Variants in PRDM11 observed in about 807,000 individuals in gnomAD.
PRDM11 encodes PR/SET domain 11, also known as PR domain-containing protein 11.
PRDM11 carries 20 observed loss-of-function variants against 97.8 expected under a neutral mutation model. That is an observed-to-expected ratio of 0.20 (90% confidence interval 0.14 to 0.30). The LOEUF is 0.30. Ranked by LOEUF, PRDM11 falls within the 10% of genes least tolerant of loss-of-function variation. The probability of loss-of-function intolerance (pLI) is 1.00; values close to 1 mark genes in which losing one functional copy is unlikely to be tolerated. For missense variants in PRDM11, 1,139 were observed against 1,555.2 expected (o/e 0.73, Z 4.50); for synonymous variants, 599 against 637.7 (o/e 0.94, Z 0.91).
chr11:45,116,573 T>G (rs1367052112), intron 1 of PRDM11, among the ~76,000 whole-genome samples: 1 of 152,238 alleles, frequency 6.6e-6, no homozygotes, highest in Non-Finnish European at 1.5e-5. Flanking sequence ...CAGAAAATTA[T>G]AAAATATTTT....
At chr11:45,139,568 CAAAAAAAAAA>C (rs10594529) in intron 1 of PRDM11, among the ~76,000 whole-genome samples, 5 of 91,424 alleles carry the variant, frequency 5.5e-5, no homozygotes, top group South Asian at 3.8e-4. Flanking sequence ...CTCCAACTCA[CAAAAAAAAAA>C]AAAAAAAAAA....
chr11:45,227,920 C>T lies in PRDM11; in HGVS notation c.3295C>T (p.Arg1099Cys), dbSNP rs1416772519. Residue 1099 changes from arginine (R) to cysteine (C), a missense_variant, in exon 8 of 8, where the codon CGC (arginine) becomes TGC (cysteine). This residue lies in a region of PRDM11 where 710 missense variants were observed against 1,044.9 expected (regional missense o/e 0.68). Transcript: ENST00000683152. The surrounding 1 kb of genome is among the most constrained non-coding windows in gnomAD (Gnocchi z 8.0). Reference protein sequence around the residue: ...EKGRNALQRVRKNHRSRLTLE... With the variant: ...EKGRNALQRVCKNHRSRLTLE... ...AGGCCGCAATGCCCTCCAGCGAGTT[C>T]GCAAAAACCACCGCTCCCGCCTGAC... 1.1e-5 allele frequency: 17 copies of T among 1,533,894 alleles called. No homozygotes were observed. Among genetic ancestry groups the T allele is most frequent in the Non-Finnish European group, 1.4e-5 (16 of 1,146,718 alleles).
chr11:45,118,500 G>A (rs1451796275), intron 1 of PRDM11, among the ~76,000 whole-genome samples: 1 of 152,162 alleles, frequency 6.6e-6, no homozygotes, highest in Non-Finnish European at 1.5e-5. Context: ...GACACATCAT[G>A]ACTAAGTGAG....
chr11:45,193,107 T>A (rs1264186648), intron 4 of PRDM11, among the ~76,000 whole-genome samples: 1 of 152,210 alleles, frequency 6.6e-6, no homozygotes, highest in African/African-American at 2.4e-5. Context: ...AAATGGGAAC[T>A]TACTCTATTG....
At chr11:45,105,146 C>T (rs1202655468) in intron 1 of PRDM11, among the ~76,000 whole-genome samples, 1 of 152,244 alleles carries the variant, frequency 6.6e-6, no homozygotes, top group Non-Finnish European at 1.5e-5. Flanking sequence ...CTTGCTGTAT[C>T]TTCACAGAGT....
upstream of PRDM11, among the ~76,000 whole-genome samples, chr11:45,145,042 C>T (rs1851476717): frequency 6.6e-6 from 1 of 152,002 alleles, no homozygotes; most frequent in Admixed American, 6.5e-5. Flanking sequence ...GAGAAATACT[C>T]AGGAAACTTA....
chr11:45,194,590 CTGTTTT>C (rs1336480181), intron 4 of PRDM11, among the ~76,000 whole-genome samples: 15,697 of 89,144 alleles, frequency 0.18, 1,800 homozygotes, highest in Middle Eastern at 0.36. Flanking sequence ...TTATTATCTT[CTGTTTT>C]TTTTTTTTTT....
At chr11:45,198,129 C>T (rs1321769587) in intron 4 of PRDM11, among the ~76,000 whole-genome samples, 1 of 152,112 alleles carries the variant, frequency 6.6e-6, no homozygotes, top group Non-Finnish European at 1.5e-5. Context: ...TTTTGAATCA[C>T]CTAGGAAGTT....
chr11:45,140,230 T>C (rs1442079053), intron 1 of PRDM11, among the ~76,000 whole-genome samples: 2 of 152,194 alleles, frequency 1.3e-5, no homozygotes, highest in Non-Finnish European at 2.9e-5. Flanking sequence ...AAGGGAAATG[T>C]TCTCTGACAA....
At chr11:45,190,977 A>T (rs1477743030) in intron 4 of PRDM11, among the ~76,000 whole-genome samples, 3 of 152,190 alleles carry the variant, frequency 2.0e-5, no homozygotes, top group Admixed American at 1.3e-4. Context: ...ATACTGTCTC[A>T]GCTATAGTTC....
At chr11:45,124,570 G>A (rs1484226228) in intron 1 of PRDM11, among the ~76,000 whole-genome samples, 1 of 152,202 alleles carries the variant, frequency 6.6e-6, no homozygotes, top group Non-Finnish European at 1.5e-5. Flanking sequence ...TTTTGTCAAA[G>A]GCCTTTTCTG....
At chr11:45,183,864 C>G (rs960826866) in intron 4 of PRDM11, among the ~76,000 whole-genome samples, 1 of 152,162 alleles carries the variant, frequency 6.6e-6, no homozygotes, top group Non-Finnish European at 1.5e-5. Flanking sequence ...AGGCACTGGG[C>G]TGGCCCTGGA....
intron 1 of PRDM11, among the ~76,000 whole-genome samples, chr11:45,104,885 G>A (rs1290278659): frequency 6.6e-6 from 1 of 152,172 alleles, no homozygotes; most frequent in Non-Finnish European, 1.5e-5. Context: ...CCTTCACGGA[G>A]CTCCTGGGAC....
chr11:45,128,460 C>T (rs771384406), intron 1 of PRDM11, among the ~76,000 whole-genome samples: 50 of 152,246 alleles, frequency 3.3e-4, no homozygotes, highest in Non-Finnish European at 6.3e-4. Context: ...AAGCTGTAGA[C>T]CGGAGCTCTT....
chr11:45,195,353 C>A (rs1260071657), intron 4 of PRDM11, among the ~76,000 whole-genome samples: 1 of 152,114 alleles, frequency 6.6e-6, no homozygotes, highest in Non-Finnish European at 1.5e-5. Flanking sequence ...TTCCCCTCTT[C>A]CAATCCCCTT....
At chr11:45,185,710 G>C (rs545096926) in intron 4 of PRDM11, among the ~76,000 whole-genome samples, 1 of 152,324 alleles carries the variant, frequency 6.6e-6, no homozygotes, top group Non-Finnish European at 1.5e-5. Context: ...CAGAGGATTA[G>C]AGCAGATAGA....
At chr11:45,102,481 C>T (rs935639435) in intron 1 of PRDM11, among the ~76,000 whole-genome samples, 6 of 152,188 alleles carry the variant, frequency 3.9e-5, no homozygotes, top group African/African-American at 1.4e-4. Context: ...GGGAAGCACC[C>T]CAGCTGGGGC....
At chr11:45,107,156 C>T (rs902599099) in intron 1 of PRDM11, among the ~76,000 whole-genome samples, 1 of 152,154 alleles carries the variant, frequency 6.6e-6, no homozygotes, top group Non-Finnish European at 1.5e-5. Flanking sequence ...ATAAGTGCCA[C>T]GTTAGCACAC....
intron 1 of PRDM11, among the ~76,000 whole-genome samples, chr11:45,112,758 T>C (rs1043392540): frequency 3.3e-5 from 5 of 151,942 alleles, no homozygotes; most frequent in African/African-American, 1.2e-4. Flanking sequence ...TGTGTATTCA[T>C]GTCCTTTGCC....
Sources: allele counts gnomAD v4.1 joint callset (sites outside exome capture counted in the v4.1 genomes callset), GRCh38; gene constraint gnomAD v4.1.1; regional missense constraint gnomAD v4.1.1; non-coding constraint Gnocchi (gnomAD v3.1); transcripts MANE v1.5; gene names NCBI Gene and HGNC (gene_info 2026-07-23, HGNC 2026-07-21).